The following PLXNC1 variants were observed in gnomAD, a reference collection of about 807,000 sequenced individuals.
PLXNC1 encodes the protein plexin-C1.
A neutral mutation model predicts 178.2 loss-of-function variants in PLXNC1; 75 were observed. The observed-to-expected ratio is 0.42, with a 90% confidence interval of 0.35 to 0.51. The LOEUF is 0.51. PLXNC1 is among the 20% of genes least tolerant of loss of function. PLXNC1 has a pLI of 0.02. For synonymous variants in PLXNC1, 790 were observed against 779.9 expected (o/e 1.01, Z -0.22); for missense variants, 1,503 against 1,984.4 (o/e 0.76, Z 4.61).
chr12:94,219,388 A>G (rs1341454277), intron 5 of PLXNC1, among the ~76,000 whole-genome samples: 2 of 152,212 alleles, frequency 1.3e-5, no homozygotes, highest in Admixed American at 6.5e-5. Context: ...CCATCTGGAT[A>G]AAGTTGGACC....
chr12:94,237,893 G>A, intron 10 of PLXNC1, 90 bp downstream of exon 10: 1 of 1,321,668 alleles, frequency 7.6e-7, no homozygotes, highest in East Asian at 2.4e-5. Context: ...CCTTAATATA[G>A]TCAAATTATT....
chr12:94,150,284 C>T (rs932476813), intron 1 of PLXNC1, among the ~76,000 whole-genome samples: 2 of 152,138 alleles, frequency 1.3e-5, no homozygotes, highest in African/African-American at 4.8e-5. Context: ...GAGTTAGACT[C>T]AAAACTCTAG....
At chr12:94,277,467 C>T (rs759258291) in intron 21 of PLXNC1, among the ~76,000 whole-genome samples, 4 of 152,200 alleles carry the variant, frequency 2.6e-5, no homozygotes, top group South Asian at 4.1e-4. Flanking sequence ...GTCACGGGCT[C>T]ACATGCCAGA....
Position 94,254,783 on chromosome 12 carries a change from T to C in PLXNC1, c.2882-4T>C. ...CCCTCTGATGCAGCATCTCTGTCTC[T>C]TAGCGGCCGTGGGGGTGACCAGGCA... On this transcript the variant is annotated splice_region_variant and splice_polypyrimidine_tract_variant and intron_variant, in intron 15 of 30. Transcript: ENST00000258526. 6.3e-7 allele frequency: 1 copy of C among 1,585,304 alleles called. No homozygotes were observed. The highest frequency in any genetic ancestry group is 8.5e-7 in the Non-Finnish European group (1 of 1,170,674).
At chr12:94,304,215 A>G in intron 30 of PLXNC1, 164 bp downstream of exon 30, 1 of 554,798 alleles carries the variant, frequency 1.8e-6, no homozygotes, top group South Asian at 2.5e-5. Flanking sequence ...CAGACCCTGT[A>G]CATGGCTGCC....
At chr12:94,229,087 T>C (rs1202322395) in intron 9 of PLXNC1, among the ~76,000 whole-genome samples, 1 of 152,248 alleles carries the variant, frequency 6.6e-6, no homozygotes, top group African/African-American at 2.4e-5. Flanking sequence ...TTTTGTTTGA[T>C]AGTAGCCATC....
At position 94,279,666 on chromosome 12, in the gene PLXNC1, G is replaced by C. The variant is rs767049650; in HGVS notation, c.3775+17G>C. The stretch of plus-strand genomic sequence containing the variant: ...TTGGTCTTGGTAAGGCGGTGCGGGA[G>C]CTATGTGGTCCCAGGCCCTGATGAG... On this transcript the variant is annotated intron_variant, in intron 22 of 30. Coordinates refer to ENST00000258526, the MANE Select transcript of PLXNC1 (RefSeq NM_005761.3). 2.5e-6 allele frequency: 4 copies of C among 1,611,994 alleles called. No homozygotes were observed. In the Admixed American group the frequency reaches 6.7e-5, roughly 27 times the overall value.
At position 94,249,663 on chromosome 12, in the gene PLXNC1, A is replaced by G. The variant is rs996274253; in HGVS notation, c.2778+1251A>G. Among the ~76,000 whole-genome samples, 11 of 152,024 alleles carry G rather than the reference A, an allele frequency of 7.2e-5. 1 individual carries two copies. The highest frequency in any genetic ancestry group is 5.9e-4 in the Admixed American group (9 of 15,276). On this transcript the variant is annotated intron_variant, in intron 14 of 30. Coordinates refer to ENST00000258526, the MANE Select transcript of PLXNC1 (RefSeq NM_005761.3). ...CTAGAAGTCTGGGCAACACAGTAAG[A>G]CCCTGTCTCAAAAAAAAATAAGGAA... is the stretch of plus-strand genomic sequence containing the variant.
intron 4 of PLXNC1, among the ~76,000 whole-genome samples, chr12:94,201,139 C>T (rs1315791986): frequency 6.6e-6 from 1 of 152,314 alleles, no homozygotes; most frequent in East Asian, 1.9e-4. Flanking sequence ...GGAATAATTT[C>T]AATACACTGT....
At chr12:94,264,210 A>G (rs1965103585) in intron 20 of PLXNC1, among the ~76,000 whole-genome samples, 1 of 152,140 alleles carries the variant, frequency 6.6e-6, no homozygotes, top group Non-Finnish European at 1.5e-5. Context: ...CCGTGGAAAC[A>G]GAACACACCG....
intron 5 of PLXNC1, among the ~76,000 whole-genome samples, chr12:94,213,086 A>C (rs886619962): frequency 6.6e-6 from 1 of 152,202 alleles, no homozygotes; most frequent in Admixed American, 6.5e-5. Context: ...AGTCTTTGCT[A>C]TGGTGAATAG....
intron 4 of PLXNC1, 143 bp from the exon 5 acceptor site, chr12:94,209,447 G>A (rs1055471281): frequency 4.9e-6 from 3 of 610,150 alleles, no homozygotes; most frequent in Admixed American, 2.6e-5. Flanking sequence ...TCCTATTCTC[G>A]CTCAAATCAA....
Position 94,149,202 on chromosome 12 carries a change from G to T in PLXNC1, c.231G>T (p.Ser77=). The T allele has an allele frequency of 1.3e-6, 2 of 1,586,946 alleles. No homozygotes were observed. The highest frequency in any genetic ancestry group is 8.5e-7 in the Non-Finnish European group (1 of 1,171,036). ...ACTACAGCCTGGAGCACAGCCTCTC[G>T]CGCCTGTACCGGGACCAAGCGGGCA... ...QLDYSLEHSL[S]RLYRDQAGNC... The change falls in exon 1 of 31, where the codon TCG becomes TCT. Residue 77 remains serine, a synonymous_variant. Coordinates refer to ENST00000258526, the MANE Select transcript of PLXNC1 (RefSeq NM_005761.3).
At chr12:94,180,052 C>G (rs1962250542) in intron 2 of PLXNC1, among the ~76,000 whole-genome samples, 1 of 152,154 alleles carries the variant, frequency 6.6e-6, no homozygotes, top group African/African-American at 2.4e-5. Flanking sequence ...CCCGATGGCT[C>G]TTCATACCCA....
Position 94,260,509 on chromosome 12 carries a change from TAA to T in PLXNC1, c.3252-116_3252-115del, listed in dbSNP as rs376806060. ...ATAGAAGTGGTTAGAATCTAAACATTAAAAAAAAAAAAAAAAAAGCTCCCAAC... is the reference window on the plus strand; with the variant it reads ...ATAGAAGTGGTTAGAATCTAAACATTAAAAAAAAAAAAAAAAGCTCCCAAC... On this transcript the variant is annotated intron_variant, in intron 19 of 30. Transcript: ENST00000258526. The surrounding 1 kb of genome is among the most constrained non-coding windows in gnomAD (Gnocchi z 4.4). The T allele has an allele frequency of 0.11, 50,947 of 471,194 alleles. 3 individuals are homozygous for T. The highest frequency in any genetic ancestry group is 0.14 in the Middle Eastern group (260 of 1,810). 29.2% of individuals were successfully genotyped at this position (471,194 alleles called of 1,614,324 possible). A position where few individuals can be genotyped will look rare whatever the true frequency, so the allele number is the denominator to read the frequency against.
Position 94,202,696 on chromosome 12 carries a change from G to A in PLXNC1, c.1440-6894G>A, listed in dbSNP as rs574586523. Among the ~76,000 whole-genome samples, 19 of 152,314 alleles carry A rather than the reference G, an allele frequency of 1.2e-4. No homozygotes were observed. The South Asian group carries it at 3.1e-3, about 25-fold the overall frequency. On this transcript the variant is annotated intron_variant, in intron 4 of 30. Coordinates refer to ENST00000258526, the MANE Select transcript of PLXNC1 (RefSeq NM_005761.3). ...AGGGCCTGGCCTGTTTGCCCTGTAT[G>A]TGTTTATCAAATGCCTGCTCTCCAC...
At chr12:94,304,935 G>T (rs1968849002) in intron 30 of PLXNC1, among the ~76,000 whole-genome samples, 1 of 152,228 alleles carries the variant, frequency 6.6e-6, no homozygotes, top group South Asian at 2.1e-4. Flanking sequence ...GGCCTAGGAA[G>T]CCTGGCCCCA....
At chr12:94,271,410 C>A (rs1254861438) in intron 21 of PLXNC1, among the ~76,000 whole-genome samples, 1 of 152,238 alleles carries the variant, frequency 6.6e-6, no homozygotes, top group South Asian at 2.1e-4. Context: ...TGCCAGCCCC[C>A]TGCAGCCTTA....
intron 11 of PLXNC1, among the ~76,000 whole-genome samples, chr12:94,243,191 C>G (rs571990747): frequency 2.2e-4 from 34 of 152,320 alleles, no homozygotes; most frequent in African/African-American, 8.2e-4. Context: ...TGCTCAGGCC[C>G]ACCTCCTGGT....
Sources: gnomAD v4.1 joint callset for allele counts (sites outside exome capture counted in the v4.1 genomes callset) on GRCh38, gnomAD v4.1.1 for gene constraint, Gnocchi (gnomAD v3.1) non-coding constraint, MANE v1.5 for transcripts, NCBI Gene and HGNC (gene_info 2026-07-23, HGNC 2026-07-21) for gene names.